Variants in STXBP5L observed in about 807,000 individuals in gnomAD.
STXBP5L encodes syntaxin-binding protein 5-like.
A neutral mutation model predicts 144.5 loss-of-function variants in STXBP5L; 65 were observed. That is an observed-to-expected ratio of 0.45 (90% CI 0.37 to 0.55). The LOEUF (loss-of-function observed/expected upper bound fraction) is 0.55, where lower values mean the gene tolerates loss of function less well. Ranked by LOEUF, STXBP5L falls within the 20% of genes least tolerant of loss-of-function variation. STXBP5L has a pLI of 0.00. For synonymous variants in STXBP5L, 505 were observed against 469.6 expected, an observed-to-expected ratio of 1.08 and a Z score of -0.97; for missense variants, 1,298 against 1,405.5, an observed-to-expected ratio of 0.92 and a Z score of 1.22.
At chr3:121,054,202 A>T (rs1287067208) in intron 5 of STXBP5L, among the ~76,000 whole-genome samples, 7 of 152,126 alleles carry the variant, frequency 4.6e-5, no homozygotes, top group Admixed American at 6.5e-5. Context: ...AGGGATCTAG[A>T]ACTAGAAATA....
At chr3:120,909,245 G>C in intron 1 of STXBP5L, 1 of 249,578 alleles carries the variant, frequency 4.0e-6, no homozygotes, top group South Asian at 5.2e-5. Context: ...TGCTAATGAC[G>C]ATGATGACAC....
chr3:121,083,877 T>C (rs909185876), intron 5 of STXBP5L, among the ~76,000 whole-genome samples: 3 of 152,180 alleles, frequency 2.0e-5, no homozygotes, highest in African/African-American at 4.8e-5. Context: ...AGTTGTTAAA[T>C]GTATTTGTGT....
intron 9 of STXBP5L, among the ~76,000 whole-genome samples, chr3:121,199,647 A>G (rs2048059991): frequency 6.6e-6 from 1 of 152,148 alleles, no homozygotes; most frequent in Non-Finnish European, 1.5e-5. Context: ...TTATTTTTAC[A>G]TATCTTCTAT....
At chr3:121,167,024 C>A (rs73855347) in intron 9 of STXBP5L, among the ~76,000 whole-genome samples, 1 of 151,994 alleles carries the variant, frequency 6.6e-6, no homozygotes, top group African/African-American at 2.4e-5. Flanking sequence ...ATATGCCAGA[C>A]TAGAATTAGC....
At chr3:121,127,583 T>A (rs976593418) in intron 7 of STXBP5L, among the ~76,000 whole-genome samples, 3 of 151,548 alleles carry the variant, frequency 2.0e-5, no homozygotes, top group Non-Finnish European at 4.4e-5. Flanking sequence ...AGTCATTGGA[T>A]TTAGGGTGGG....
At position 121,301,594 on chromosome 3, in the gene STXBP5L, T is replaced by C. The variant is rs979460785; in HGVS notation, c.2111-16881T>C. On this transcript the variant is annotated intron_variant, in intron 19 of 26. Coordinates refer to ENST00000471454, the MANE Select transcript of STXBP5L (RefSeq NM_001308330.2). ...CTTCCAACACTATGTTGAATAGGAG[T>C]GGTGAGAGAGGGCATCCCTGTCTTG... 5.9e-5 allele frequency among the ~76,000 whole-genome samples: 9 copies of C among 151,884 alleles called. 1 individual carries two copies. The highest frequency in any genetic ancestry group is 5.9e-4 in the Admixed American group (9 of 15,238).
At chr3:120,988,859 C>G (rs936523870) in intron 3 of STXBP5L, among the ~76,000 whole-genome samples, 1 of 152,004 alleles carries the variant, frequency 6.6e-6, no homozygotes, top group South Asian at 2.1e-4. Context: ...TTATTTCACT[C>G]TCTATGTTTA....
At chr3:121,059,645 T>C (rs56906034) in intron 5 of STXBP5L, among the ~76,000 whole-genome samples, 2,287 of 152,310 alleles carry the variant, frequency 0.015, 65 homozygotes, top group African/African-American at 0.052. Context: ...TCCTCTCTTA[T>C]TTCCTTGAGC....
chr3:121,403,892 G>T (rs978441381), intron 22 of STXBP5L, among the ~76,000 whole-genome samples: 4 of 152,118 alleles, frequency 2.6e-5, no homozygotes, highest in East Asian at 1.9e-4. Context: ...TCTTTAGCTT[G>T]TTCCTCCTCC....
chr3:121,285,733 A>C (rs188113724), intron 19 of STXBP5L, among the ~76,000 whole-genome samples: 7 of 152,270 alleles, frequency 4.6e-5, no homozygotes, highest in Admixed American at 4.6e-4. Flanking sequence ...TAGCTACTTC[A>C]TACATTTATA....
chr3:121,124,354 A>T (rs938344395), intron 7 of STXBP5L, among the ~76,000 whole-genome samples: 2 of 151,936 alleles, frequency 1.3e-5, no homozygotes, highest in Non-Finnish European at 2.9e-5. Context: ...GTGATTCTCA[A>T]TTGGGATTTT....
intron 5 of STXBP5L, among the ~76,000 whole-genome samples, chr3:121,046,633 T>A (rs1947533954): frequency 1.3e-5 from 2 of 152,178 alleles, no homozygotes; most frequent in Non-Finnish European, 1.5e-5. Context: ...TTAGGTTTTC[T>A]AGTCTATGTG....
chr3:121,240,451 C>G lies in STXBP5L; in HGVS notation c.1344C>G (p.Ile448Met), dbSNP rs1276893219. ...GATAATCTGTTTAGGAGTGGCCAAT[C>G]AGTGGAGGAGCTTGGAACCTTGGAG... ...KQGYSNKEWP[I>M]SGGAWNLGAQ... Residue 448 changes from isoleucine (I) to methionine (M), a missense_variant, in exon 14 of 27, where the codon ATC becomes ATG. Coordinates refer to ENST00000471454, the MANE Select transcript of STXBP5L (RefSeq NM_001308330.2). 6.2e-7 allele frequency: 1 copy of G among 1,613,352 alleles called. No individual in the cohort carries two copies. Among genetic ancestry groups the G allele is most frequent in the Admixed American group, 1.7e-5 (1 of 59,970 alleles).
At chr3:121,307,138 G>A (rs1336111694) in intron 19 of STXBP5L, among the ~76,000 whole-genome samples, 2 of 152,158 alleles carry the variant, frequency 1.3e-5, no homozygotes, top group Non-Finnish European at 2.9e-5. Flanking sequence ...GTCTAGCCGA[G>A]TCACTGAATA....
chr3:121,161,637 C>T (rs1436523021), intron 9 of STXBP5L, among the ~76,000 whole-genome samples: 1 of 151,988 alleles, frequency 6.6e-6, no homozygotes, highest in African/African-American at 2.4e-5. Flanking sequence ...GTTCTTATAG[C>T]TGGTTGCTGC....
chr3:120,964,854 T>C (rs537935684), intron 3 of STXBP5L, among the ~76,000 whole-genome samples: 10 of 152,336 alleles, frequency 6.6e-5, no homozygotes, highest in African/African-American at 2.2e-4. Flanking sequence ...TTGATCTGTC[T>C]AATTTTGACA....
chr3:121,224,876 C>G (rs1343048766), intron 11 of STXBP5L, among the ~76,000 whole-genome samples: 1 of 151,946 alleles, frequency 6.6e-6, no homozygotes. Context: ...CTATGAAAAG[C>G]CTTGAGGAAG....
intron 5 of STXBP5L, among the ~76,000 whole-genome samples, chr3:121,102,568 G>A (rs1417755405): frequency 6.6e-6 from 1 of 152,056 alleles, no homozygotes; most frequent in Non-Finnish European, 1.5e-5. Context: ...AGGGTTTAAA[G>A]CTCTAAATAT....
At chr3:121,208,756 G>GT (rs1361581887) in intron 10 of STXBP5L, among the ~76,000 whole-genome samples, 12 of 151,820 alleles carry the variant, frequency 7.9e-5, no homozygotes, top group Non-Finnish European at 1.0e-4. Context: ...TATTTTATGG[G>GT]TTTTTTTCAC....
Sources: gnomAD v4.1 joint callset for allele counts (sites outside exome capture counted in the v4.1 genomes callset) on GRCh38, gnomAD v4.1.1 for gene constraint, MANE v1.5 for transcripts, NCBI Gene and HGNC (gene_info 2026-07-23, HGNC 2026-07-21) for gene names.